The following HIPK1 variants were observed in gnomAD, a reference collection of about 807,000 sequenced individuals.
HIPK1 encodes homeodomain interacting protein kinase 1.
Under a neutral mutation model 117.1 loss-of-function variants are expected in HIPK1, and 28 were observed. The ratio of observed to expected loss-of-function variants is 0.24; its 90% CI spans 0.18 to 0.33. The LOEUF (loss-of-function observed/expected upper bound fraction) is 0.33, where lower values mean the gene tolerates loss of function less well. Ranked by LOEUF, HIPK1 falls within the 10% of genes least tolerant of loss-of-function variation. The pLI is 1.00. For missense variants in HIPK1, 1,122 were observed against 1,475.1 expected (o/e 0.76, Z 3.92); for synonymous variants, 605 against 562.5 (o/e 1.08, Z -1.07).
intron 2 of HIPK1, among the ~76,000 whole-genome samples, chr1:113,949,817 C>A (rs976330028): frequency 1.5e-4 from 23 of 152,200 alleles, no homozygotes; most frequent in African/African-American, 5.5e-4. Flanking sequence ...CCAGGCTGGT[C>A]TCAAACTCCT....
In HIPK1 at chr1:113,929,414, C is replaced by G. The variant is rs1669677204; in HGVS notation, c.-121C>G. 1 of 1,289,332 alleles carries G rather than the reference C, an allele frequency of 7.8e-7. No individual in the cohort carries two copies. The highest frequency in any genetic ancestry group is 1.5e-5 in the African/African-American group (1 of 65,956). 79.9% of individuals were successfully genotyped at this position (1,289,332 alleles called of 1,614,324 possible). ...CGGAGGGGGCGGGAAGTCCAGGCCC[C>G]GCACTCGATCCACGCTGGCTCCCTA... is the stretch of plus-strand genomic sequence containing the variant. On this transcript the variant is annotated 5_prime_UTR_variant, in exon 1 of 16. Coordinates refer to ENST00000426820, the MANE Select transcript of HIPK1 (RefSeq NM_198268.3).
At chr1:113,964,747 T>C (rs1423415029) in intron 10 of HIPK1, among the ~76,000 whole-genome samples, 1 of 152,218 alleles carries the variant, frequency 6.6e-6, no homozygotes, top group Admixed American at 6.5e-5. Flanking sequence ...TCCAACTTGA[T>C]TGATCCAAGC....
chr1:113,958,564 CA>C lies in HIPK1; in HGVS notation c.1981+275del, dbSNP rs568355564. Among the ~76,000 whole-genome samples, 206 of 152,266 alleles carry C rather than the reference CA, an allele frequency of 1.4e-3. 2 individuals carry two copies. Among genetic ancestry groups the C allele is most frequent in the African/African-American group, 4.5e-3 (185 of 41,556 alleles). The stretch of plus-strand genomic sequence containing the variant: ...TTTCTTGCCCATTGAGTCCTTGTGT[CA>C]ATGTCGTACGTCTTGTATAAGCATG... On this transcript the variant is annotated intron_variant, in intron 8 of 15. Coordinates refer to ENST00000426820, the MANE Select transcript of HIPK1 (RefSeq NM_198268.3).
chr1:113,952,806 A>G lies in HIPK1; in HGVS notation c.1117A>G (p.Ile373Val), dbSNP rs756674829. 6 of 1,520,782 alleles carry G rather than the reference A, an allele frequency of 3.9e-6. No individual in the cohort carries two copies. The highest frequency in any genetic ancestry group is 5.3e-6 in the Non-Finnish European group (6 of 1,130,600). The allele number at this position is 1,520,782 out of a possible 1,614,324, so 94.2% of individuals were successfully genotyped here. A position where few individuals can be genotyped will look rare whatever the true frequency, so the allele number is the denominator to read the frequency against. ...IILGLPFCEA[I>V]DMWSLGCVIA... ...TCTTGGGTTACCATTTTGTGAAGCT[A>G]TTGATATGTGGTCACTGGGCTGTGT... Residue 373 changes from isoleucine to valine, a missense_variant, in exon 3 of 16, where the codon ATT becomes GTT. Physicochemically the swap from Ile to Val is conservative, Grantham distance 29. Transcript: ENST00000426820.
At chr1:113,939,717 G>A (rs964935840) in intron 1 of HIPK1, among the ~76,000 whole-genome samples, 2 of 152,066 alleles carry the variant, frequency 1.3e-5, no homozygotes, top group African/African-American at 4.8e-5. Flanking sequence ...ATATGAGATC[G>A]GATGGTTGAA....
At position 113,929,495 on chromosome 1, in the gene HIPK1, T is replaced by C. The variant is rs1452483187; in HGVS notation, c.-40T>C. Reference sequence around the variant, plus strand: ...TCCTACTGCAATCAGTACTATGCGATCGTCCTAGAGAGTCCATTCAGCTGC... The same window carrying C: ...TCCTACTGCAATCAGTACTATGCGACCGTCCTAGAGAGTCCATTCAGCTGC... On this transcript the variant is annotated 5_prime_UTR_variant, in exon 1 of 16. Coordinates refer to ENST00000426820, the MANE Select transcript of HIPK1 (RefSeq NM_198268.3). The C allele has an allele frequency of 7.8e-7, 1 of 1,289,352 alleles. No individual in the cohort carries two copies. Among genetic ancestry groups the C allele is most frequent in the Admixed American group, 2.3e-5 (1 of 43,566 alleles). The allele number at this position is 1,289,352 out of a possible 1,614,324, so 79.9% of individuals were successfully genotyped here.
chr1:113,940,419 A>G lies in HIPK1; in HGVS notation c.36A>G (p.Ser12=), dbSNP rs937710725. ...AGCTGCAAGTGTTTTCGCCCCCATCAGTGTCGTCGAGTGCCTTCTGCAGTG... is the reference window on the plus strand; with the variant it reads ...AGCTGCAAGTGTTTTCGCCCCCATCGGTGTCGTCGAGTGCCTTCTGCAGTG... ...ASQLQVFSPP[S]VSSSAFCSAK... Residue 12 remains serine, a synonymous_variant, in exon 2 of 16, where the codon TCA becomes TCG. Transcript: ENST00000426820. 1.9e-6 allele frequency: 3 copies of G among 1,612,334 alleles called. No homozygotes were observed. Among genetic ancestry groups the G allele is most frequent in the Non-Finnish European group, 1.7e-6 (2 of 1,178,988 alleles).
At chr1:113,968,737 C>A in intron 13 of HIPK1, 89 bp downstream of exon 13, 2 of 1,050,360 alleles carry the variant, frequency 1.9e-6, no homozygotes, top group Non-Finnish European at 2.9e-6. Context: ...AAAGAAAGGA[C>A]CGGTGGGGCA....
intron 2 of HIPK1, chr1:113,951,233 G>A (rs1022721419): frequency 1.4e-5 from 14 of 984,554 alleles, no homozygotes; most frequent in Admixed American, 6.2e-5. Flanking sequence ...TGCCTAATTA[G>A]TCATAGTTTG....
Position 113,974,513 on chromosome 1 carries a change from C to T in HIPK1, c.*1001C>T, listed in dbSNP as rs1439520998. On this transcript the variant is annotated 3_prime_UTR_variant, in exon 16 of 16. Transcript: ENST00000426820. ...TAATACACCTCTGTTTTGCTCATCT[C>T]TCCCTTCTGTTTTATGTGATTTGTT... 6.6e-6 allele frequency: 1 copy of T among 152,606 alleles called. No homozygotes were observed. The highest frequency in any genetic ancestry group is 1.5e-5 in the Non-Finnish European group (1 of 68,008). 9.5% of individuals were successfully genotyped at this position (152,606 alleles called of 1,614,324 possible).
chr1:113,951,833 C>T (rs1428127844), intron 2 of HIPK1, among the ~76,000 whole-genome samples: 1 of 151,576 alleles, frequency 6.6e-6, no homozygotes, highest in Admixed American at 6.6e-5. Flanking sequence ...CCCTGACAGG[C>T]TGGCTCTAGA....
intron 8 of HIPK1, among the ~76,000 whole-genome samples, chr1:113,959,362 A>T (rs2101378688): frequency 6.6e-6 from 1 of 152,292 alleles, no homozygotes; most frequent in African/African-American, 2.4e-5. Context: ...GAGAAACCAC[A>T]GGGAGAGCAG....
At chr1:113,939,423 C>T (rs1047336226) in intron 1 of HIPK1, among the ~76,000 whole-genome samples, 3 of 150,648 alleles carry the variant, frequency 2.0e-5, no homozygotes, top group Non-Finnish European at 1.5e-5. Context: ...TGGCTTGAGG[C>T]GTTGGATGTG....
chr1:113,929,877 C>G, intron 1 of HIPK1: 1 of 987,290 alleles, frequency 1.0e-6, no homozygotes, highest in Non-Finnish European at 1.2e-6. Flanking sequence ...CCCCAGATCT[C>G]GTCTCCTCCG....
At position 113,963,881 on chromosome 1, in the gene HIPK1, C is replaced by G. The variant is rs946551912; in HGVS notation, c.2238+360C>G. Among the ~76,000 whole-genome samples, 4 of 152,196 alleles carry G rather than the reference C, an allele frequency of 2.6e-5. No individual in the cohort carries two copies. In the East Asian group the frequency reaches 7.7e-4, roughly 29 times the overall value. On this transcript the variant is annotated intron_variant, in intron 10 of 15. Transcript: ENST00000426820. ...TGTTACTTGTTTTCTGCCTTTTACC[C>G]TCTGATCCTTGAGAATGAAGGAAAT...
chr1:113,944,548 A>G (rs888358823), intron 2 of HIPK1, among the ~76,000 whole-genome samples: 5 of 150,690 alleles, frequency 3.3e-5, no homozygotes, highest in African/African-American at 7.3e-5. Flanking sequence ...CAGTGGCACA[A>G]TCTCGGTTCA....
At chr1:113,968,036 T>TA in intron 12 of HIPK1, 88 bp downstream of exon 12, 1 of 1,209,938 alleles carries the variant, frequency 8.3e-7, no homozygotes, top group African/African-American at 1.5e-5. Flanking sequence ...AGACATATAA[T>TA]ATAGATATGA....
At chr1:113,938,255 C>G (rs1670380277) in intron 1 of HIPK1, among the ~76,000 whole-genome samples, 2 of 151,786 alleles carry the variant, frequency 1.3e-5, no homozygotes, top group South Asian at 4.2e-4. Flanking sequence ...CAGGCGTGAG[C>G]CACCACATCT....
chr1:113,962,179 A>C (rs1672170033), intron 8 of HIPK1, 138 bp from the exon 9 acceptor site: 1 of 788,846 alleles, frequency 1.3e-6, no homozygotes, highest in African/African-American at 1.8e-5. Context: ...TCTATGAATG[A>C]AACTTCTTTG....
Sources: gnomAD v4.1 joint callset for allele counts (sites outside exome capture counted in the v4.1 genomes callset) on GRCh38, gnomAD v4.1.1 for gene constraint, MANE v1.5 for transcripts, NCBI Gene and HGNC (gene_info 2026-07-23, HGNC 2026-07-21) for gene names.